The following LPCAT1 variants were observed in gnomAD, a reference collection of about 807,000 sequenced individuals.
LPCAT1 encodes 1-acylglycerol-3-phosphate O-acyltransferase.
LPCAT1 carries 23 observed loss-of-function variants against 60.9 expected under a neutral mutation model. The observed-to-expected ratio is 0.38, with a 90% CI of 0.27 to 0.53. LPCAT1 has a LOEUF of 0.53. LPCAT1 is among the 20% of genes least tolerant of loss of function. LPCAT1 has a pLI of 0.82. For missense variants in LPCAT1, 622 were observed against 723.6 expected (o/e 0.86, Z 1.61); for synonymous variants, 340 against 301.1 (o/e 1.13, Z -1.34).
In LPCAT1 at chr5:1,502,810, G is replaced by A. The variant is rs1736066296; in HGVS notation, c.136-1207C>T. Among the ~76,000 whole-genome samples, 1 of 152,050 alleles carries A rather than the reference G, an allele frequency of 6.6e-6. No individual in the cohort carries two copies. Among genetic ancestry groups the A allele is most frequent in the Admixed American group, 6.6e-5 (1 of 15,260 alleles). On this transcript the variant is annotated intron_variant, in intron 1 of 13. Transcript: ENST00000283415. The surrounding 1 kb of genome is among the most constrained non-coding windows in gnomAD (Gnocchi z 5.5). ...CGCTCCCACTCTGTTTCCTTGGTTT[G>A]TCCCTAGATTCTTTTGAGTTCTCAA...
chr5:1,464,953 T>C (rs1159064380), intron 13 of LPCAT1, among the ~76,000 whole-genome samples: 3 of 143,530 alleles, frequency 2.1e-5, no homozygotes, highest in African/African-American at 7.9e-5. Flanking sequence ...ACACACATGG[T>C]AACTACACAC....
chr5:1,514,106 G>A (rs1322070520), intron 1 of LPCAT1, among the ~76,000 whole-genome samples: 3 of 152,212 alleles, frequency 2.0e-5, no homozygotes, highest in Admixed American at 1.3e-4. Flanking sequence ...TGGGCAGCCC[G>A]AGAGCAGAAC....
intron 13 of LPCAT1, among the ~76,000 whole-genome samples, chr5:1,464,185 A>G (rs1469641156): frequency 1.3e-5 from 2 of 152,186 alleles, no homozygotes; most frequent in East Asian, 3.9e-4. Context: ...GACAAGACCA[A>G]GTGTCTGGAC....
At chr5:1,479,465 A>T in intron 8 of LPCAT1, 156 bp downstream of exon 8, 1 of 645,958 alleles carries the variant, frequency 1.5e-6, no homozygotes, top group Non-Finnish European at 2.8e-6. Flanking sequence ...TAAAGCAACC[A>T]GAGGCTCCTC....
intron 1 of LPCAT1, among the ~76,000 whole-genome samples, chr5:1,509,879 C>T: frequency 6.6e-6 from 1 of 152,124 alleles, no homozygotes; most frequent in Non-Finnish European, 1.5e-5. Context: ...CTTTGGAGCC[C>T]GAGGCACGGC....
intron 1 of LPCAT1, among the ~76,000 whole-genome samples, chr5:1,503,436 G>A (rs574391911): frequency 1.3e-5 from 2 of 152,334 alleles, no homozygotes; most frequent in South Asian, 4.1e-4. Flanking sequence ...TGTGGGGAGA[G>A]CCACGTGCTG....
At chr5:1,465,339 ACTAAAC>A (rs1236446972) in intron 13 of LPCAT1, among the ~76,000 whole-genome samples, 9 of 95,526 alleles carry the variant, frequency 9.4e-5, no homozygotes, top group Non-Finnish European at 1.7e-4. Context: ...GCACACAGTA[ACTAAAC>A]ACACATGCGC....
At chr5:1,494,977 A>G (rs1735731080) in intron 2 of LPCAT1, 63 bp from the exon 3 acceptor site, 3 of 1,460,280 alleles carry the variant, frequency 2.1e-6, no homozygotes, top group South Asian at 2.5e-5. Context: ...TGTGTGAGGC[A>G]CAGGGGCGGT....
At chr5:1,471,835 A>G (rs1247276952) in intron 11 of LPCAT1, among the ~76,000 whole-genome samples, 2 of 150,028 alleles carry the variant, frequency 1.3e-5, no homozygotes. Context: ...CTGGCCAGAG[A>G]GCAGGAGGTG....
rs905710571 is a variant in LPCAT1 at position 1,487,008 on chromosome 5, C to G, written c.667+1383G>C. ...ATGCGTTGAGAGGTGCTCACACGCC[C>G]TCCTCACGTCTACACAAGGGCCGCC... On this transcript the variant is annotated intron_variant, in intron 5 of 13. Transcript: ENST00000283415. This position sits in a 1 kb window ranked among gnomAD's most constrained non-coding sequence, Gnocchi z 6.1. Among the ~76,000 whole-genome samples, 1 of 152,194 alleles carries G rather than the reference C, an allele frequency of 6.6e-6. No individual in the cohort carries two copies.
Position 1,481,366 on chromosome 5 carries a change from G to T in LPCAT1, c.727-390C>A, listed in dbSNP as rs1337952176. On this transcript the variant is annotated intron_variant, in intron 6 of 13. Transcript: ENST00000283415. This position sits in a 1 kb window ranked among gnomAD's most constrained non-coding sequence, Gnocchi z 7.8. ...CACAGACCTGGGGACACCAATTCCA[G>T]TGTGCACCCGGGACCCCGGCCCTCT... Among the ~76,000 whole-genome samples, 2 of 152,214 alleles carry T rather than the reference G, an allele frequency of 1.3e-5. No individual in the cohort carries two copies. Among genetic ancestry groups the T allele is most frequent in the Non-Finnish European group, 2.9e-5 (2 of 68,036 alleles).
At chr5:1,504,904 G>T (rs982228160) in intron 1 of LPCAT1, among the ~76,000 whole-genome samples, 1 of 152,252 alleles carries the variant, frequency 6.6e-6, no homozygotes, top group Non-Finnish European at 1.5e-5. Context: ...GCCTGCTTCA[G>T]TCCACCTCTG....
At position 1,480,999 on chromosome 5, in the gene LPCAT1, A is replaced by T. The variant is rs748996090; in HGVS notation, c.727-23T>A. 6.2e-7 allele frequency: 1 copy of T among 1,613,276 alleles called. No individual in the cohort carries two copies. Among genetic ancestry groups the T allele is most frequent in the African/African-American group, 1.3e-5 (1 of 74,910 alleles). ...GTCCTGGGGAGGAAGAGGCAGGGTCAGTCAGCATGGGGCCTGCACCCAGGG... is the reference window on the plus strand; with the variant it reads ...GTCCTGGGGAGGAAGAGGCAGGGTCTGTCAGCATGGGGCCTGCACCCAGGG... On this transcript the variant is annotated intron_variant, in intron 6 of 13. Transcript: ENST00000283415. The surrounding 1 kb of genome is among the most constrained non-coding windows in gnomAD (Gnocchi z 6.4).
intron 3 of LPCAT1, among the ~76,000 whole-genome samples, chr5:1,490,215 G>A (rs553763751): frequency 3.9e-5 from 6 of 152,312 alleles, no homozygotes; most frequent in Non-Finnish European, 7.3e-5. Context: ...AAGGTGCCAG[G>A]TCCCTAGATT....
chr5:1,470,420 G>A (rs1202549507), intron 12 of LPCAT1, among the ~76,000 whole-genome samples: 1 of 152,224 alleles, frequency 6.6e-6, no homozygotes, highest in African/African-American at 2.4e-5. Context: ...GCTCTGACAT[G>A]TTGTAGCCCC....
At position 1,494,800 on chromosome 5, in the gene LPCAT1, C is replaced by G. The variant is rs200312026; in HGVS notation, c.393G>C (p.Thr131=). ...CGAAGTAGGACGAGTGAGGCGCGAGCGTGAGGATGGCCGCCTCGGTGGGCA... is the reference window on the plus strand; with the variant it reads ...CGAAGTAGGACGAGTGAGGCGCGAGGGTGAGGATGGCCGCCTCGGTGGGCA... ...QALPTEAAIL[T]LAPHSSYFDA... The change falls in exon 3 of 14, where the codon ACG becomes ACC. Residue 131 remains threonine, a synonymous_variant. Transcript: ENST00000283415. 1.9e-6 allele frequency: 3 copies of G among 1,614,094 alleles called. No individual in the cohort carries two copies. Among genetic ancestry groups the G allele is most frequent in the Non-Finnish European group, 2.5e-6 (3 of 1,180,018 alleles).
At position 1,481,291 on chromosome 5, in the gene LPCAT1, C is replaced by T. The variant is rs1173055670; in HGVS notation, c.727-315G>A. 6.6e-6 allele frequency among the ~76,000 whole-genome samples: 1 copy of T among 152,190 alleles called. No homozygotes were observed. The highest frequency in any genetic ancestry group is 6.5e-5 in the Admixed American group (1 of 15,280). On this transcript the variant is annotated intron_variant, in intron 6 of 13. Coordinates refer to ENST00000283415, the MANE Select transcript of LPCAT1 (RefSeq NM_024830.5). The surrounding 1 kb of genome is among the most constrained non-coding windows in gnomAD (Gnocchi z 7.8). ...CCCCTCTTATAGGTTCCCAGAGCCC[C>T]TAGAACCTGGGAAAAGGGTCCTCCC...
chr5:1,487,249 G>A lies in LPCAT1; in HGVS notation c.667+1142C>T, dbSNP rs2126542531. Among the ~76,000 whole-genome samples, 1 of 152,356 alleles carries A rather than the reference G, an allele frequency of 6.6e-6. No homozygotes were observed. Among genetic ancestry groups the A allele is most frequent in the East Asian group, 1.9e-4 (1 of 5,184 alleles). ...TGGCCTTCACCAAGGTTGCCCACAG[G>A]CCACGCCCAGGCACGGACCCAGTGT... is the stretch of plus-strand genomic sequence containing the variant. On this transcript the variant is annotated intron_variant, in intron 5 of 13. Coordinates refer to ENST00000283415, the MANE Select transcript of LPCAT1 (RefSeq NM_024830.5). The surrounding 1 kb of genome is among the most constrained non-coding windows in gnomAD (Gnocchi z 6.1).
chr5:1,509,477 G>T (rs1183166950), intron 1 of LPCAT1, among the ~76,000 whole-genome samples: 1 of 152,220 alleles, frequency 6.6e-6, no homozygotes, highest in African/African-American at 2.4e-5. Context: ...TTTAGAGAAA[G>T]AACAACTTTT....
Sources: allele counts gnomAD v4.1 joint callset (sites outside exome capture counted in the v4.1 genomes callset), GRCh38; gene constraint gnomAD v4.1.1; non-coding constraint Gnocchi (gnomAD v3.1); transcripts MANE v1.5; gene names NCBI Gene and HGNC (gene_info 2026-07-23, HGNC 2026-07-21).